The following SLC4A4 variants were observed in gnomAD, a reference collection of about 807,000 sequenced individuals.
SLC4A4 encodes the protein electrogenic sodium bicarbonate cotransporter 1.
Under a neutral mutation model 111.5 loss-of-function variants are expected in SLC4A4, and 27 were observed. That is an observed-to-expected ratio of 0.24 (90% CI 0.18 to 0.33). SLC4A4 has a LOEUF of 0.33. SLC4A4 is among the 10% of genes least tolerant of loss of function. SLC4A4 has a pLI of 1.00. For synonymous variants in SLC4A4, 443 were observed against 463.4 expected (o/e 0.96, Z 0.57); for missense variants, 909 against 1,315.5 (o/e 0.69, Z 4.78).
At chr4:71,506,251 A>G (rs1459905820) in intron 16 of SLC4A4, among the ~76,000 whole-genome samples, 1 of 152,198 alleles carries the variant, frequency 6.6e-6, no homozygotes, top group Non-Finnish European at 1.5e-5. Context: ...CTGGAATAGC[A>G]TTAGATCTTC....
chr4:71,246,983 C>T (rs1047517928), intron 2 of SLC4A4, among the ~76,000 whole-genome samples: 2 of 151,980 alleles, frequency 1.3e-5, no homozygotes, highest in Admixed American at 6.6e-5. Context: ...CAATGAATGT[C>T]GTCCCTCTTT....
At chr4:71,336,746 A>T (rs984657919) in intron 3 of SLC4A4, among the ~76,000 whole-genome samples, 6 of 152,192 alleles carry the variant, frequency 3.9e-5, no homozygotes, top group South Asian at 2.1e-4. Context: ...TTTTCATTAC[A>T]ATCACTTTCC....
At chr4:71,535,747 G>T (rs1734355543) in intron 18 of SLC4A4, among the ~76,000 whole-genome samples, 1 of 152,076 alleles carries the variant, frequency 6.6e-6, no homozygotes, top group South Asian at 2.1e-4. Flanking sequence ...GGCATATTTA[G>T]TGATGTGGAA....
intron 14 of SLC4A4, 133 bp from the exon 15 acceptor site, chr4:71,486,815 T>C (rs987173817): frequency 1.8e-6 from 1 of 562,720 alleles, no homozygotes; most frequent in Non-Finnish European, 3.2e-6. Context: ...TAAATAAAAA[T>C]TCATTGTGCC....
intron 18 of SLC4A4, among the ~76,000 whole-genome samples, chr4:71,538,671 T>A (rs2149221564): frequency 6.6e-6 from 1 of 152,182 alleles, no homozygotes; most frequent in East Asian, 1.9e-4. Flanking sequence ...AAAAACAGCA[T>A]GTTTTTGGGT....
chr4:71,335,637 A>G (rs1728370399), intron 3 of SLC4A4, among the ~76,000 whole-genome samples: 1 of 152,148 alleles, frequency 6.6e-6, no homozygotes, highest in Admixed American at 6.5e-5. Context: ...CATCCTGACT[A>G]ACACGGTGAA....
chr4:71,469,467 G>C (rs141988835), intron 13 of SLC4A4, among the ~76,000 whole-genome samples: 135 of 151,894 alleles, frequency 8.9e-4, no homozygotes, highest in African/African-American at 2.8e-3. Flanking sequence ...TGTATCCTTG[G>C]TTTTATGCTA....
rs1180212783 is a variant in SLC4A4, at chr4:71,497,553, A to C, written c.2027A>C (p.Lys676Thr). The change falls in exon 16 of 26, where the codon AAA (lysine) becomes ACA (threonine). Residue 676 changes from lysine to threonine, a missense_variant. Physicochemically the swap from Lys to Thr is moderately conservative, Grantham distance 78. Around this residue, in one of 7 missense-constraint regions of SLC4A4, gnomAD observed 264 missense variants for 356.8 expected, o/e 0.74. Coordinates refer to ENST00000264485, the MANE Select transcript of SLC4A4 (RefSeq NM_001098484.3). ...WAFLSKKECS[K>T]YGGNLVGNNC... is the part of the protein sequence containing the mutation. ...TTTTTGTCGAAGAAGGAGTGTTCAA[A>C]ATACGGAGGAAACCTCGTCGGGAAC... 1 of 1,613,504 alleles carries C rather than the reference A, an allele frequency of 6.2e-7. No individual in the cohort carries two copies. The highest frequency in any genetic ancestry group is 1.7e-5 in the Admixed American group (1 of 59,864).
At chr4:71,508,460 T>C (rs1397707249) in intron 16 of SLC4A4, among the ~76,000 whole-genome samples, 1 of 152,104 alleles carries the variant, frequency 6.6e-6, no homozygotes, top group East Asian at 1.9e-4. Context: ...TATCCCTTAA[T>C]AGTGTTTATA....
intron 2 of SLC4A4, among the ~76,000 whole-genome samples, chr4:71,139,690 T>C (rs4488913): frequency 0.99 from 150,471 of 152,244 alleles, 74,379 homozygotes; most frequent in East Asian, 1. Context: ...TCTTTTTTCC[T>C]TATTTCAATT....
chr4:71,243,315 C>T (rs1028765801), intron 2 of SLC4A4, among the ~76,000 whole-genome samples: 10 of 152,194 alleles, frequency 6.6e-5, no homozygotes, highest in Admixed American at 2.0e-4. Flanking sequence ...ATTTAGGTGC[C>T]AATTAAATGA....
chr4:71,509,054 C>A (rs1374195675), intron 16 of SLC4A4, among the ~76,000 whole-genome samples: 1 of 152,102 alleles, frequency 6.6e-6, no homozygotes, highest in Non-Finnish European at 1.5e-5. Flanking sequence ...ATTCAACATT[C>A]GTTTATGTTA....
intron 12 of SLC4A4, among the ~76,000 whole-genome samples, chr4:71,456,115 A>C (rs1426339845): frequency 6.6e-6 from 1 of 152,174 alleles, no homozygotes; most frequent in African/African-American, 2.4e-5. Context: ...TTTATGGGGA[A>C]ATTTTCCAGA....
chr4:71,429,440 A>T (rs1468754160), intron 7 of SLC4A4, among the ~76,000 whole-genome samples: 1 of 152,162 alleles, frequency 6.6e-6, no homozygotes, highest in African/African-American at 2.4e-5. Context: ...TGTAAGATAA[A>T]ACATTTATAG....
chr4:71,392,106 C>T (rs1282225807), intron 6 of SLC4A4, among the ~76,000 whole-genome samples: 2 of 152,062 alleles, frequency 1.3e-5, no homozygotes, highest in Non-Finnish European at 2.9e-5. Flanking sequence ...AGCAAAAATG[C>T]CACACACCAA....
chr4:71,296,830 C>T (rs991103973), intron 3 of SLC4A4, among the ~76,000 whole-genome samples: 8 of 152,054 alleles, frequency 5.3e-5, no homozygotes, highest in Non-Finnish European at 1.0e-4. Context: ...ACAGACATAC[C>T]TGTTTGCTTT....
intron 16 of SLC4A4, among the ~76,000 whole-genome samples, chr4:71,498,620 A>T (rs2086518219): frequency 6.6e-6 from 1 of 152,156 alleles, no homozygotes. Flanking sequence ...CACCTAGAAA[A>T]TTTTTGACTC....
chr4:71,484,221 T>A (rs1343695083), intron 14 of SLC4A4, among the ~76,000 whole-genome samples: 2 of 151,968 alleles, frequency 1.3e-5, no homozygotes, highest in Non-Finnish European at 2.9e-5. Context: ...CAATTGCTTT[T>A]GGCATCTTTG....
intron 2 of SLC4A4, among the ~76,000 whole-genome samples, chr4:71,239,362 T>C (rs1161173735): frequency 6.6e-6 from 1 of 152,220 alleles, no homozygotes; most frequent in African/African-American, 2.4e-5. Context: ...CTTGTTACTT[T>C]GAAATATTTG....
Sources: gnomAD v4.1 joint callset for allele counts (sites outside exome capture counted in the v4.1 genomes callset) on GRCh38, gnomAD v4.1.1 for gene constraint, gnomAD v4.1.1 regional missense constraint, MANE v1.5 for transcripts, NCBI Gene and HGNC (gene_info 2026-07-23, HGNC 2026-07-21) for gene names.